AGBL4: variants seen among roughly 807,000 people sequenced by gnomAD.
AGBL4 encodes cytosolic carboxypeptidase 6.
In AGBL4, 58 loss-of-function variants were observed where a neutral mutation model predicts 66.4. The ratio of observed to expected loss-of-function variants is 0.87; its 90% CI spans 0.71 to 1.09. AGBL4 has a LOEUF of 1.09. Among genes scored for constraint, AGBL4 ranks in the 50% least tolerant of loss-of-function variants. The probability of loss-of-function intolerance (pLI) is 0.00; values close to 1 mark genes in which losing one functional copy is unlikely to be tolerated. For synonymous variants in AGBL4, 234 were observed against 222.9 expected (o/e 1.05, Z -0.44); for missense variants, 579 against 631.0 (o/e 0.92, Z 0.88).
At chr1:49,916,110 T>G (rs1191239967) in intron 1 of AGBL4, among the ~76,000 whole-genome samples, 1 of 151,800 alleles carries the variant, frequency 6.6e-6, no homozygotes, top group Non-Finnish European at 1.5e-5. Flanking sequence ...AGACCAAAGG[T>G]AGATAAAACC....
chr1:49,603,477 A>G (rs1294888684), intron 3 of AGBL4, among the ~76,000 whole-genome samples: 1 of 151,842 alleles, frequency 6.6e-6, no homozygotes, highest in East Asian at 1.9e-4. Context: ...GTGAGCAGAG[A>G]TCGCACCACT....
In AGBL4 at chr1:49,851,308, T is replaced by C. The variant is rs979696306; in HGVS notation, c.157+88A>G. The C allele has an allele frequency of 3.0e-6, 4 of 1,334,016 alleles. No individual in the cohort carries two copies. The African/African-American group carries it at 6.0e-5, about 20-fold the overall frequency. The allele number at this position is 1,334,016 out of a possible 1,614,324, so 82.6% of individuals were successfully genotyped here. A position where few individuals can be genotyped will look rare whatever the true frequency, so the allele number is the denominator to read the frequency against. On this transcript the variant is annotated intron_variant, in intron 2 of 13. Transcript: ENST00000371839. ...TTGTGAAATATTAAATGAGTTGAATTGCACTGAATGGTCACATAAAATTCA... is the reference window on the plus strand; with the variant it reads ...TTGTGAAATATTAAATGAGTTGAATCGCACTGAATGGTCACATAAAATTCA...
intron 4 of AGBL4, among the ~76,000 whole-genome samples, chr1:49,094,006 G>T (rs1283068967): frequency 6.6e-6 from 1 of 152,180 alleles, no homozygotes; most frequent in Non-Finnish European, 1.5e-5. Flanking sequence ...CTTGTGTATA[G>T]CTGTGGATAC....
intron 3 of AGBL4, among the ~76,000 whole-genome samples, chr1:49,502,997 T>C (rs1033369216): frequency 6.6e-6 from 1 of 151,950 alleles, no homozygotes; most frequent in Non-Finnish European, 1.5e-5. Context: ...ATGGGAAAAA[T>C]GCTTCCAGGG....
At chr1:48,819,678 T>G (rs1347139387) in intron 6 of AGBL4, among the ~76,000 whole-genome samples, 1 of 152,222 alleles carries the variant, frequency 6.6e-6, no homozygotes, top group Non-Finnish European at 1.5e-5. Flanking sequence ...GTGTTTGCAT[T>G]TGACATTGGA....
At chr1:49,255,388 T>G (rs560679598) in intron 3 of AGBL4, among the ~76,000 whole-genome samples, 1 of 152,028 alleles carries the variant, frequency 6.6e-6, no homozygotes, top group Non-Finnish European at 1.5e-5. Flanking sequence ...AAAGAAGACA[T>G]ACATGTGGCC....
intron 3 of AGBL4, among the ~76,000 whole-genome samples, chr1:49,475,198 A>C (rs915464794): frequency 6.6e-6 from 1 of 151,910 alleles, no homozygotes; most frequent in Non-Finnish European, 1.5e-5. Context: ...AGATAATCTT[A>C]TGGGTTTTGT....
intron 3 of AGBL4, among the ~76,000 whole-genome samples, chr1:49,630,743 G>A (rs1304513689): frequency 1.3e-5 from 2 of 152,038 alleles, no homozygotes; most frequent in Non-Finnish European, 2.9e-5. Context: ...ATTCTAGCTA[G>A]GTGCCCTTTT....
intron 3 of AGBL4, among the ~76,000 whole-genome samples, chr1:49,334,603 T>G (rs757849156): frequency 6.6e-6 from 1 of 152,202 alleles, no homozygotes; most frequent in African/African-American, 2.4e-5. Context: ...TAAGATTTAA[T>G]GAAGATCGTA....
intron 5 of AGBL4, among the ~76,000 whole-genome samples, chr1:48,893,265 T>C (rs1050300890): frequency 6.6e-6 from 1 of 152,110 alleles, no homozygotes; most frequent in Non-Finnish European, 1.5e-5. Flanking sequence ...AATGTTTGTG[T>C]TCCCCCTCAA....
intron 5 of AGBL4, among the ~76,000 whole-genome samples, chr1:49,036,165 G>A (rs1256013884): frequency 1.3e-5 from 2 of 150,984 alleles, no homozygotes; most frequent in African/African-American, 2.4e-5. Flanking sequence ...TTTTAAATAA[G>A]AGGTTTATTA....
chr1:49,304,370 CAT>C (rs1235981202), intron 3 of AGBL4, among the ~76,000 whole-genome samples: 3 of 152,194 alleles, frequency 2.0e-5, no homozygotes, highest in African/African-American at 4.8e-5. Context: ...ACTTTTAACA[CAT>C]GTCCTAACAG....
chr1:49,593,691 A>G (rs1018157725), intron 3 of AGBL4, among the ~76,000 whole-genome samples: 1 of 152,172 alleles, frequency 6.6e-6, no homozygotes, highest in African/African-American at 2.4e-5. Flanking sequence ...TTGTCTTCCA[A>G]TGTTTCTTCA....
Position 48,687,255 on chromosome 1 carries a change from G to C in AGBL4, c.635-24014C>G, listed in dbSNP as rs544120021. Among the ~76,000 whole-genome samples the C allele has an allele frequency of 4.6e-5, 7 of 152,336 alleles. No individual in the cohort carries two copies. In the South Asian group the frequency reaches 1.5e-3, roughly 32 times the overall value. ...GGAGGGGGCAAAGAGAAAGGGCTGG[G>C]AGGCAAGGCCAGGGGAGCTGCCAAC... On this transcript the variant is annotated intron_variant, in intron 6 of 13. Transcript: ENST00000371839.
chr1:49,754,399 T>C (rs1317683454), intron 2 of AGBL4, among the ~76,000 whole-genome samples: 1 of 152,148 alleles, frequency 6.6e-6, no homozygotes, highest in African/African-American at 2.4e-5. Flanking sequence ...TTGTTAATGT[T>C]GATGCCATTG....
intron 1 of AGBL4, among the ~76,000 whole-genome samples, chr1:49,922,976 T>C (rs1254299631): frequency 6.6e-6 from 1 of 152,112 alleles, no homozygotes. Flanking sequence ...TTTTTAAAAT[T>C]CTTAGGGAAC....
chr1:48,984,504 T>A (rs1412555763), intron 5 of AGBL4, among the ~76,000 whole-genome samples: 1 of 148,608 alleles, frequency 6.7e-6, no homozygotes, highest in Non-Finnish European at 1.5e-5. Flanking sequence ...GCCTATCATA[T>A]TTCTTCTTGG....
chr1:49,314,007 C>T (rs560623853), intron 3 of AGBL4, among the ~76,000 whole-genome samples: 15 of 152,272 alleles, frequency 9.9e-5, no homozygotes, highest in Non-Finnish European at 5.9e-5. Flanking sequence ...TTAGGTCTTA[C>T]GTTTAACTCC....
At chr1:49,716,626 C>T (rs12137221) in intron 2 of AGBL4, among the ~76,000 whole-genome samples, 26,723 of 151,990 alleles carry the variant, frequency 0.18, 3,092 homozygotes, top group East Asian at 0.42. Flanking sequence ...GTTCAACATA[C>T]GCAAATCAAT....
Sources: gnomAD v4.1 joint callset for allele counts (sites outside exome capture counted in the v4.1 genomes callset) on GRCh38, gnomAD v4.1.1 for gene constraint, MANE v1.5 for transcripts, NCBI Gene and HGNC (gene_info 2026-07-23, HGNC 2026-07-21) for gene names.